The following MAP4K4 variants were observed in gnomAD, a reference collection of about 807,000 sequenced individuals.
MAP4K4 encodes mitogen-activated protein kinase kinase kinase kinase 4, also known as HPK/GCK-like kinase HGK.
MAP4K4 carries 38 observed loss-of-function variants against 189.6 expected under a neutral mutation model. That is an observed-to-expected ratio of 0.20 (90% confidence interval 0.15 to 0.26). The LOEUF is 0.26. MAP4K4 is among the 10% of genes least tolerant of loss of function. The pLI is 1.00. For missense variants in MAP4K4, 1,054 were observed against 1,726.9 expected, an observed-to-expected ratio of 0.61 and a Z score of 6.91; for synonymous variants, 610 against 624.3, an observed-to-expected ratio of 0.98 and a Z score of 0.34.
chr2:101,893,746 A>T (rs2098597580), exon 33 of MAP4K4: 1 of 154,628 alleles, frequency 6.5e-6, no homozygotes, highest in Admixed American at 6.4e-5. Context: ...GTTTCATTGG[A>T]ATTACCAAGT....
chr2:101,750,101 G>T (rs1388420074), intron 2 of MAP4K4, among the ~76,000 whole-genome samples: 43 of 149,754 alleles, frequency 2.9e-4, no homozygotes, highest in African/African-American at 1.0e-3. Flanking sequence ...AGTCAGTGTG[G>T]CGATTCCTCA....
intron 2 of MAP4K4, among the ~76,000 whole-genome samples, chr2:101,701,944 T>TA (rs2039055020): frequency 6.6e-6 from 1 of 152,170 alleles, no homozygotes; most frequent in South Asian, 2.1e-4. Context: ...CTACTCACTG[T>TA]AACCTCCGTC....
chr2:101,728,086 C>T (rs1268987533), intron 2 of MAP4K4, among the ~76,000 whole-genome samples: 6 of 152,192 alleles, frequency 3.9e-5, no homozygotes, highest in African/African-American at 1.2e-4. Flanking sequence ...TGAGGAAACA[C>T]CCAGGTTACC....
At chr2:101,760,319 T>C (rs1305323565) in intron 2 of MAP4K4, among the ~76,000 whole-genome samples, 1 of 151,830 alleles carries the variant, frequency 6.6e-6, no homozygotes, top group East Asian at 1.9e-4. Context: ...TAAAACCCTG[T>C]CTCTACTAAA....
In MAP4K4 at chr2:101,851,724, CTTTTTTTTTTT is replaced by C. The variant is rs36217584; in HGVS notation, c.1234-4231_1234-4221del. On this transcript the variant is annotated intron_variant, in intron 12 of 32. Coordinates refer to ENST00000324219, the Ensembl canonical transcript of MAP4K4. ...TGGAAGAGAAGTTGGTAACTGTCCTCTTTTTTTTTTTTTTTTTTTTTTTTTTTTTTTTGCCT... is the reference window on the plus strand; with the variant it reads ...TGGAAGAGAAGTTGGTAACTGTCCTCTTTTTTTTTTTTTTTTTTTTTGCCT... Among the ~76,000 whole-genome samples, 49 of 67,910 alleles carry C rather than the reference CTTTTTTTTTTT, an allele frequency of 7.2e-4. 2 individuals carry two copies. Among genetic ancestry groups the C allele is most frequent in the East Asian group, 6.7e-3 (9 of 1,338 alleles). 44.6% of individuals were successfully genotyped at this position (67,910 alleles called of 152,430 possible). A position where few individuals can be genotyped will look rare whatever the true frequency, so the allele number is the denominator to read the frequency against.
intron 2 of MAP4K4, among the ~76,000 whole-genome samples, chr2:101,736,353 C>CCCTGCTTCTTGCCCATCT (rs1242896893): frequency 1.8e-4 from 28 of 152,338 alleles, no homozygotes; most frequent in Admixed American, 9.8e-4. Context: ...CTCTGCCATC[C>CCCTGCTTCTTGCCCATCT]CCTGCTTCTT....
intron 3 of MAP4K4, among the ~76,000 whole-genome samples, chr2:101,805,388 C>T (rs960204920): frequency 2.0e-5 from 3 of 152,198 alleles, no homozygotes; most frequent in African/African-American, 7.2e-5. Context: ...TGGCTTCTTT[C>T]AGTTAGCATT....
intron 3 of MAP4K4, 80 bp from the exon 4 acceptor site, chr2:101,823,848 A>G: frequency 1.6e-6 from 2 of 1,226,810 alleles, no homozygotes; most frequent in Non-Finnish European, 2.2e-6. Flanking sequence ...TGTTCCTTTC[A>G]TTATTGTATG....
intron 2 of MAP4K4, among the ~76,000 whole-genome samples, chr2:101,749,442 A>G (rs1351719919): frequency 1.3e-5 from 2 of 150,576 alleles, no homozygotes; most frequent in African/African-American, 4.8e-5. Flanking sequence ...GGTGCTGGGA[A>G]AACTGGCTAG....
chr2:101,838,134 C>G (rs1011714946), intron 9 of MAP4K4, among the ~76,000 whole-genome samples: 1 of 152,146 alleles, frequency 6.6e-6, no homozygotes, highest in Non-Finnish European at 1.5e-5. Flanking sequence ...TTAGGAAATA[C>G]GTTGTAGATC....
chr2:101,781,469 G>C (rs1297444336), intron 2 of MAP4K4, among the ~76,000 whole-genome samples: 1 of 152,152 alleles, frequency 6.6e-6, no homozygotes, highest in African/African-American at 2.4e-5. Flanking sequence ...GCCAAAGGTC[G>C]AGGGGCTGGC....
In MAP4K4 at chr2:101,703,811, A is replaced by G. The variant is rs193299571; in HGVS notation, c.123+5273A>G. Among the ~76,000 whole-genome samples, 136 of 152,018 alleles carry G rather than the reference A, an allele frequency of 8.9e-4. 4 individuals are homozygous for G. The East Asian group carries it at 0.024, about 26-fold the overall frequency. On this transcript the variant is annotated intron_variant, in intron 2 of 32. Coordinates refer to ENST00000324219, the Ensembl canonical transcript of MAP4K4. ...GGTGGATAACAAAGTCAGGAGTTCA[A>G]GACCAGCCTGTCAACATGGTGAAAC... is the stretch of plus-strand genomic sequence containing the variant.
At chr2:101,780,682 C>G (rs996490635) in intron 2 of MAP4K4, among the ~76,000 whole-genome samples, 1 of 152,200 alleles carries the variant, frequency 6.6e-6, no homozygotes, top group East Asian at 1.9e-4. Flanking sequence ...CACTTGGTCA[C>G]TAAGAGGCAC....
intron 2 of MAP4K4, among the ~76,000 whole-genome samples, chr2:101,768,375 A>G (rs1420148528): frequency 6.6e-6 from 1 of 152,230 alleles, no homozygotes; most frequent in Non-Finnish European, 1.5e-5. Flanking sequence ...ACATTGTTGG[A>G]TTAGAGAAGA....
intron 6 of MAP4K4, among the ~76,000 whole-genome samples, chr2:101,830,614 T>G (rs994842743): frequency 6.6e-6 from 1 of 152,120 alleles, no homozygotes; most frequent in Non-Finnish European, 1.5e-5. Flanking sequence ...TGTTTGTTGG[T>G]TTTCTATGGA....
At chr2:101,793,834 T>G (rs1341752029) in intron 3 of MAP4K4, among the ~76,000 whole-genome samples, 1 of 152,130 alleles carries the variant, frequency 6.6e-6, no homozygotes, top group East Asian at 1.9e-4. Flanking sequence ...CTGCAGACAA[T>G]GCAAAGATGT....
intron 5 of MAP4K4, among the ~76,000 whole-genome samples, chr2:101,828,896 A>G (rs1452932943): frequency 1.3e-5 from 2 of 152,218 alleles, no homozygotes; most frequent in African/African-American, 2.4e-5. Context: ...TCCAGATACA[A>G]GGTCATCAAA....
At chr2:101,759,302 T>G (rs995097271) in intron 2 of MAP4K4, among the ~76,000 whole-genome samples, 3 of 152,192 alleles carry the variant, frequency 2.0e-5, no homozygotes, top group African/African-American at 7.2e-5. Flanking sequence ...TTATCTGTTT[T>G]CTTTTAAGGA....
chr2:101,891,588 T>A (rs2098567862), exon 33 of MAP4K4: 2 of 205,622 alleles, frequency 9.7e-6, no homozygotes, highest in Non-Finnish European at 2.0e-5. Flanking sequence ...TCTGAATGAC[T>A]CTGTCTTGTG....
Sources: allele counts gnomAD v4.1 joint callset (sites outside exome capture counted in the v4.1 genomes callset), GRCh38; gene constraint gnomAD v4.1.1; transcripts MANE v1.5; gene names NCBI Gene and HGNC (gene_info 2026-07-23, HGNC 2026-07-21).